Variants in CD6 observed in about 807,000 individuals in gnomAD.
CD6 encodes CD6 molecule, also known as T-cell differentiation antigen CD6.
CD6 carries 53 observed loss-of-function variants against 75.3 expected under a neutral mutation model. The observed-to-expected ratio is 0.70, with a 90% CI of 0.56 to 0.88. CD6 has a LOEUF of 0.88. CD6 is among the 40% of genes least tolerant of loss of function. The probability of loss-of-function intolerance (pLI) is 0.00; values close to 1 mark genes in which losing one functional copy is unlikely to be tolerated. For synonymous variants in CD6, 359 were observed against 381.5 expected (o/e 0.94, Z 0.69); for missense variants, 770 against 897.1 (o/e 0.86, Z 1.81).
rs751744346 is a variant in CD6 at position 61,015,689 on chromosome 11, C to T, written c.1388-24C>T. ...CCTTTCCGCCCACCACTTTGCCATGCCCTCGACTCTGTTCTCTCCCCAGTT... is the reference window on the plus strand; with the variant it reads ...CCTTTCCGCCCACCACTTTGCCATGTCCTCGACTCTGTTCTCTCCCCAGTT... On this transcript the variant is annotated intron_variant, in intron 8 of 12. Transcript: ENST00000313421. 3.1e-6 allele frequency: 5 copies of T among 1,613,618 alleles called. No individual in the cohort carries two copies. The South Asian group carries it at 5.5e-5, about 18-fold the overall frequency.
chr11:60,996,778 G>T (rs1565150657), intron 1 of CD6, among the ~76,000 whole-genome samples: 1 of 152,216 alleles, frequency 6.6e-6, no homozygotes, highest in Non-Finnish European at 1.5e-5. Flanking sequence ...TCACTGCGCT[G>T]CACTGGGAGC....
Position 61,015,925 on chromosome 11 carries a change from T to C in CD6, c.1510+90T>C, listed in dbSNP as rs574557349. 2.0e-3 allele frequency: 2,979 copies of C among 1,481,334 alleles called. 27 individuals are homozygous for C. The highest frequency in any genetic ancestry group is 1.9e-3 in the Non-Finnish European group (2,033 of 1,083,274). The allele number at this position is 1,481,334 out of a possible 1,614,324, so 91.8% of individuals were successfully genotyped here. Reference sequence around the variant, plus strand: ...CCGTCAGGTCAGTAGTCCCACCTAGTAACCCCTGCATGATGCAGACAGAAT... The same window carrying C: ...CCGTCAGGTCAGTAGTCCCACCTAGCAACCCCTGCATGATGCAGACAGAAT... On this transcript the variant is annotated intron_variant, in intron 9 of 12. Transcript: ENST00000313421.
chr11:60,996,456 C>T (rs1375550094), intron 1 of CD6, among the ~76,000 whole-genome samples: 1 of 152,244 alleles, frequency 6.6e-6, no homozygotes, highest in Non-Finnish European at 1.5e-5. Context: ...TTCCCGGCCA[C>T]TGGGCAAGGG....
At chr11:61,011,250 C>A in intron 6 of CD6, 115 bp downstream of exon 6, 1 of 821,162 alleles carries the variant, frequency 1.2e-6, no homozygotes, top group Non-Finnish European at 2.0e-6. Flanking sequence ...TGGTCCTCAT[C>A]CTCCACCTCC....
rs773476485 is a variant in CD6, at chr11:61,006,580, C to G, written c.56C>G (p.Pro19Arg). ...GLLTAALSGH[P>R]SPAPPDQLNT... ...TGCTGCTGGTTCATTTCAGGTCATCCATCTCCAGCCCCACCTGACCAGCTC... is the reference window on the plus strand; with the variant it reads ...TGCTGCTGGTTCATTTCAGGTCATCGATCTCCAGCCCCACCTGACCAGCTC... Residue 19 changes from proline to arginine, a missense_variant, in exon 2 of 13, where the codon CCA becomes CGA. Transcript: ENST00000313421. 4 of 1,605,752 alleles carry G rather than the reference C, an allele frequency of 2.5e-6. No homozygotes were observed. In the African/African-American group the frequency reaches 4.0e-5, roughly 16 times the overall value.
At chr11:60,974,210 G>GTGGGGCTGCC (rs1857286982) in intron 1 of CD6, among the ~76,000 whole-genome samples, 1 of 152,324 alleles carries the variant, frequency 6.6e-6, no homozygotes, top group Admixed American at 6.5e-5. Context: ...CTATTTCAGG[G>GTGGGGCTGCC]TGGGGCTGCC....
At chr11:61,015,611 C>T (rs375542725) in intron 8 of CD6, 102 bp from the exon 9 acceptor site, 1 of 1,399,938 alleles carries the variant, frequency 7.1e-7, no homozygotes, top group Admixed American at 2.0e-5. Context: ...TGGTGCTCCC[C>T]TGCTACTCTG....
chr11:60,996,538 G>T (rs1300732942), intron 1 of CD6, among the ~76,000 whole-genome samples: 1 of 152,242 alleles, frequency 6.6e-6, no homozygotes, highest in African/African-American at 2.4e-5. Flanking sequence ...CTGAGCCAGG[G>T]CCTCGGGAGG....
At chr11:60,981,144 T>C (rs1857545475) in intron 1 of CD6, among the ~76,000 whole-genome samples, 1 of 152,218 alleles carries the variant, frequency 6.6e-6, no homozygotes, top group Non-Finnish European at 1.5e-5. Context: ...AGTACAAGGA[T>C]CACGTCCTCC....
intron 1 of CD6, among the ~76,000 whole-genome samples, chr11:60,979,606 T>C (rs530660391): frequency 6.6e-6 from 1 of 151,962 alleles, no homozygotes; most frequent in East Asian, 1.9e-4. Flanking sequence ...AAGGGGACCA[T>C]AGGCACCCAC....
intron 1 of CD6, among the ~76,000 whole-genome samples, chr11:60,980,412 G>A (rs1304645721): frequency 6.6e-6 from 1 of 152,044 alleles, no homozygotes; most frequent in African/African-American, 2.4e-5. Context: ...CTGAGGCAGA[G>A]AATGACTTGA....
Position 61,008,778 on chromosome 11 carries a change from G to A in CD6, c.714G>A (p.Trp238Ter), listed in dbSNP as rs1360124086. ...GCTCGGGGGCCGAAGCTTACCTGTG[G>A]GACTGCCCGGGGCTGCCAGGACAGC... ...VNCSGAEAYL[W>*]DCPGLPGQHY... is the part of the protein sequence containing the mutation. The change falls in exon 4 of 13, where the codon TGG (tryptophan) becomes TGA (stop). Residue 238 changes from tryptophan (W) to a stop codon, truncating the protein, a stop_gained. Transcript: ENST00000313421. LOFTEE classifies it high-confidence loss of function. 1 of 1,597,790 alleles carries A rather than the reference G, an allele frequency of 6.3e-7. No individual in the cohort carries two copies.
chr11:61,012,233 C>T (rs936406681), intron 6 of CD6, among the ~76,000 whole-genome samples: 2 of 152,230 alleles, frequency 1.3e-5, no homozygotes, highest in Admixed American at 6.5e-5. Context: ...AACCTGCACA[C>T]GCTTTCTCTT....
chr11:60,997,182 C>G (rs1040264028), intron 1 of CD6, among the ~76,000 whole-genome samples: 2 of 152,076 alleles, frequency 1.3e-5, no homozygotes, highest in African/African-American at 4.8e-5. Flanking sequence ...TCAAGACCAG[C>G]CTGGCCAACG....
At chr11:60,983,943 T>C (rs1053571123) in intron 1 of CD6, among the ~76,000 whole-genome samples, 1 of 152,220 alleles carries the variant, frequency 6.6e-6, no homozygotes, top group African/African-American at 2.4e-5. Flanking sequence ...CTGATGGTTC[T>C]TCATGGTTCC....
chr11:60,982,114 G>A (rs796996633), intron 1 of CD6, among the ~76,000 whole-genome samples: 16 of 20,558 alleles, frequency 7.8e-4, no homozygotes, highest in East Asian at 3.2e-3. Context: ...CAGATGCCCG[G>A]GTGGGGGGCG....
Position 61,013,412 on chromosome 11 carries a change from C to T in CD6, c.1151-11C>T. The T allele has an allele frequency of 3.1e-6, 5 of 1,613,362 alleles. No homozygotes were observed. The highest frequency in any genetic ancestry group is 4.2e-6 in the Non-Finnish European group (5 of 1,179,542). On this transcript the variant is annotated splice_polypyrimidine_tract_variant and intron_variant, in intron 6 of 12. Coordinates refer to ENST00000313421, the MANE Select transcript of CD6 (RefSeq NM_006725.5). ...TCCTCTTTCTTCCTGAATTGGAATT[C>T]TTGTTTCCAGAATCTTCTGTGACAG...
chr11:61,017,769 G>A lies in CD6; in HGVS notation c.1593G>A (p.Glu531=). ...QMPPLEEGLE[E]LHASHIPTAN... ...CCTTTCCTGCCTTAGGACTTGAAGA[G>A]TTGCATGCCTCCCACATCCCAACTG... The change falls in exon 11 of 13, where the codon GAG becomes GAA. Residue 531 remains glutamate, a synonymous_variant. Coordinates refer to ENST00000313421, the MANE Select transcript of CD6 (RefSeq NM_006725.5). 1 of 1,614,080 alleles carries A rather than the reference G, an allele frequency of 6.2e-7. No homozygotes were observed. The highest frequency in any genetic ancestry group is 8.5e-7 in the Non-Finnish European group (1 of 1,180,036).
chr11:60,993,929 G>A (rs1257075300), intron 1 of CD6, among the ~76,000 whole-genome samples: 2 of 152,222 alleles, frequency 1.3e-5, no homozygotes, highest in Non-Finnish European at 2.9e-5. Flanking sequence ...TGGGAGAGGA[G>A]GGGGAGTCCC....
Sources: allele counts gnomAD v4.1 joint callset (sites outside exome capture counted in the v4.1 genomes callset), GRCh38; gene constraint gnomAD v4.1.1; transcripts MANE v1.5; gene names NCBI Gene and HGNC (gene_info 2026-07-23, HGNC 2026-07-21).